FOXP1: variants seen among roughly 807,000 people sequenced by gnomAD.
FOXP1 encodes forkhead box P1.
A neutral mutation model predicts 98.2 loss-of-function variants in FOXP1; 15 were observed. The observed-to-expected ratio is 0.15, with a 90% CI of 0.10 to 0.24. The LOEUF (loss-of-function observed/expected upper bound fraction) is 0.24, where lower values mean the gene tolerates loss of function less well. FOXP1 is among the 10% of genes least tolerant of loss of function. The pLI is 1.00. For synonymous variants in FOXP1, 371 were observed against 314.5 expected (o/e 1.18, Z -1.90); for missense variants, 633 against 848.5 (o/e 0.75, Z 3.15).
chr3:71,101,449 C>T (rs927567854), intron 7 of FOXP1, among the ~76,000 whole-genome samples: 3 of 151,738 alleles, frequency 2.0e-5, no homozygotes, highest in African/African-American at 7.3e-5. Context: ...AACTGGGAAG[C>T]AGAAAGAAAA....
chr3:70,983,905 C>G (rs1179742975), intron 14 of FOXP1, among the ~76,000 whole-genome samples: 1 of 152,170 alleles, frequency 6.6e-6, no homozygotes, highest in Admixed American at 6.5e-5. Flanking sequence ...AGTATCTTGG[C>G]AAATTCTCCA....
At chr3:71,581,291 G>C (rs2048145530) in intron 2 of FOXP1, 1 of 985,238 alleles carries the variant, frequency 1.0e-6, no homozygotes, top group Admixed American at 6.1e-5. Context: ...TATTTTATCG[G>C]AGCACTTTAC....
At chr3:71,382,787 C>G (rs1395276516) in intron 3 of FOXP1, among the ~76,000 whole-genome samples, 1 of 152,214 alleles carries the variant, frequency 6.6e-6, no homozygotes, top group Non-Finnish European at 1.5e-5. Context: ...TGAGTACAAT[C>G]AAACTCATCC....
chr3:71,416,744 T>G (rs1347035980), intron 3 of FOXP1, among the ~76,000 whole-genome samples: 1 of 151,234 alleles, frequency 6.6e-6, no homozygotes, highest in African/African-American at 2.4e-5. Flanking sequence ...GAACTGCATA[T>G]GCAAAGACCC....
At chr3:71,456,252 A>AGAGAG in intron 3 of FOXP1, among the ~76,000 whole-genome samples, 1 of 151,864 alleles carries the variant, frequency 6.6e-6, no homozygotes, top group African/African-American at 2.4e-5. Context: ...ACAACAGAGA[A>AGAGAG]AGAGAGAGAG....
At chr3:71,139,492 T>TA (rs913590340) in intron 6 of FOXP1, among the ~76,000 whole-genome samples, 8,342 of 142,650 alleles carry the variant, frequency 0.058, 476 homozygotes, top group African/African-American at 0.16. Context: ...GTAGAGTGAT[T>TA]AAAAAAAAAA....
intron 3 of FOXP1, among the ~76,000 whole-genome samples, chr3:71,492,031 G>A (rs2091094981): frequency 6.6e-6 from 1 of 152,120 alleles, no homozygotes; most frequent in South Asian, 2.1e-4. Flanking sequence ...CAGGGACTTA[G>A]CCATCCCACC....
chr3:71,024,874 C>T (rs550401207), intron 11 of FOXP1, among the ~76,000 whole-genome samples: 4 of 152,236 alleles, frequency 2.6e-5, no homozygotes, highest in East Asian at 3.9e-4. Context: ...TTTGTTCCCC[C>T]CTTCTTTCTT....
At chr3:70,965,507 A>C (rs1213247647) in intron 20 of FOXP1, among the ~76,000 whole-genome samples, 1 of 152,144 alleles carries the variant, frequency 6.6e-6, no homozygotes, top group East Asian at 1.9e-4. Flanking sequence ...CAAGTAAACA[A>C]GCATCTTTTT....
intron 20 of FOXP1, 46 bp from the exon 21 acceptor site, chr3:70,959,437 T>G (rs372149601): frequency 1.2e-6 from 2 of 1,612,418 alleles, no homozygotes; most frequent in Non-Finnish European, 1.7e-6. Flanking sequence ...TCCCAGCCCA[T>G]TGCAGCTCAG....
At chr3:70,980,077 C>T (rs572276297) in intron 14 of FOXP1, among the ~76,000 whole-genome samples, 13 of 151,962 alleles carry the variant, frequency 8.6e-5, no homozygotes, top group Non-Finnish European at 1.3e-4. Flanking sequence ...ATGCCATGAG[C>T]GGGTTTTTCT....
chr3:71,298,071 C>T (rs2107545343), intron 5 of FOXP1, among the ~76,000 whole-genome samples: 1 of 152,326 alleles, frequency 6.6e-6, no homozygotes, highest in South Asian at 2.1e-4. Flanking sequence ...GTAGCTGCAA[C>T]AGAGGCTGAA....
At chr3:71,316,660 CT>C (rs1261668332) in intron 4 of FOXP1, among the ~76,000 whole-genome samples, 1,758 of 139,602 alleles carry the variant, frequency 0.013, 24 homozygotes, top group African/African-American at 0.034. Context: ...AGGGCATATT[CT>C]TTTTTTTTTT....
chr3:71,443,507 C>A lies in FOXP1; in HGVS notation c.-168+49919G>T, dbSNP rs903270590. ...ACAAGCCCTCCAGGTGACCCTGATGCACACTCGAGTTGGAAAGCCACTGCC... is the reference window on the plus strand; with the variant it reads ...ACAAGCCCTCCAGGTGACCCTGATGAACACTCGAGTTGGAAAGCCACTGCC... On this transcript the variant is annotated intron_variant, in intron 3 of 20. Transcript: ENST00000649528. Among the ~76,000 whole-genome samples, 3 of 152,218 alleles carry A rather than the reference C, an allele frequency of 2.0e-5. No homozygotes were observed. The East Asian group carries it at 5.8e-4, about 29-fold the overall frequency.
At chr3:71,552,821 T>C (rs1009038476) in intron 2 of FOXP1, among the ~76,000 whole-genome samples, 1 of 152,040 alleles carries the variant, frequency 6.6e-6, no homozygotes, top group Non-Finnish European at 1.5e-5. Flanking sequence ...GATAGACTAT[T>C]AGATTCTTTT....
intron 12 of FOXP1, among the ~76,000 whole-genome samples, chr3:71,012,460 G>C (rs1475708119): frequency 6.6e-6 from 1 of 152,148 alleles, no homozygotes; most frequent in Non-Finnish European, 1.5e-5. Flanking sequence ...TGCTGATCGT[G>C]ATTGTTCACA....
At position 71,287,518 on chromosome 3, in the gene FOXP1, G is replaced by T. The variant is rs570338089; in HGVS notation, c.-12+12302C>A. On this transcript the variant is annotated intron_variant, in intron 5 of 20. Coordinates refer to ENST00000649528, the MANE Select transcript of FOXP1 (RefSeq NM_001349338.3). ...AATAGGGCCAAGCGCTGTGGCTCACGCCTGTAATCCCAGCTCTTTGGGAGG... is the reference window on the plus strand; with the variant it reads ...AATAGGGCCAAGCGCTGTGGCTCACTCCTGTAATCCCAGCTCTTTGGGAGG... 2.6e-5 allele frequency among the ~76,000 whole-genome samples: 4 copies of T among 151,986 alleles called. No individual in the cohort carries two copies. In the South Asian group the frequency reaches 8.3e-4, roughly 32 times the overall value.
chr3:71,424,390 C>T lies in FOXP1; in HGVS notation c.-167-65146G>A, dbSNP rs77241093. ...GCCTTCCCTATCTCATTTGTAATCC[C>T]CACCATAACCTTGCAATGTTACCAA... On this transcript the variant is annotated intron_variant, in intron 3 of 20. Transcript: ENST00000649528. Among the ~76,000 whole-genome samples the T allele has an allele frequency of 1.6e-3, 237 of 152,262 alleles. 1 individual carries two copies. The highest frequency in any genetic ancestry group is 5.1e-3 in the African/African-American group (213 of 41,544).
In FOXP1 at chr3:71,279,632, G is replaced by A. The variant is rs1010586241; in HGVS notation, c.-12+20188C>T. ...ATACAAGCTTTTTGTATACAATCTC[G>A]TGTATCCAACCAAGTAGAAATGGTT... On this transcript the variant is annotated intron_variant, in intron 5 of 20. Transcript: ENST00000649528. Among the ~76,000 whole-genome samples, 9 of 152,150 alleles carry A rather than the reference G, an allele frequency of 5.9e-5. No homozygotes were observed. The South Asian group carries it at 8.3e-4, about 14-fold the overall frequency.
Sources: allele counts gnomAD v4.1 joint callset (sites outside exome capture counted in the v4.1 genomes callset), GRCh38; gene constraint gnomAD v4.1.1; transcripts MANE v1.5; gene names NCBI Gene and HGNC (gene_info 2026-07-23, HGNC 2026-07-21).